The following POU2AF2 variants were observed in gnomAD, a reference collection of about 807,000 sequenced individuals.
The protein encoded by POU2AF2 is POU class 2 homeobox associating factor 2.
At chr11:111,284,023 C>T in the POU2AF2 span, 1 of 1,564,030 alleles carries the variant, frequency 6.4e-7, no homozygotes, top group Non-Finnish European at 8.7e-7. Context: ...CAACCGAGGC[C>T]TTGACCGCCC....
the POU2AF2 span, among the ~76,000 whole-genome samples, chr11:111,264,568 GAAAGA>G: frequency 2.9e-5 from 1 of 34,594 alleles, no homozygotes; most frequent in Non-Finnish European, 5.6e-5. Context: ...AAGAAAGAAA[GAAAGA>G]AAGGGAGAGA....
chr11:111,281,878 T>A, the POU2AF2 span, among the ~76,000 whole-genome samples: 1 of 152,208 alleles, frequency 6.6e-6, no homozygotes, highest in Admixed American at 6.5e-5. Context: ...GAATTCCTAA[T>A]AATACTGTTG....
chr11:111,279,941 T>C, the POU2AF2 span, among the ~76,000 whole-genome samples: 1 of 149,350 alleles, frequency 6.7e-6, no homozygotes, highest in Non-Finnish European at 1.5e-5. Context: ...CTCAGGAGAC[T>C]GAGGCAGGAG....
the POU2AF2 span, among the ~76,000 whole-genome samples, chr11:111,268,635 GTAA>G: frequency 6.6e-6 from 1 of 151,760 alleles, no homozygotes; most frequent in Admixed American, 6.6e-5. Flanking sequence ...CTGGGTTCAA[GTAA>G]TTCTCCTGTC....
the POU2AF2 span, among the ~76,000 whole-genome samples, chr11:111,258,714 T>TC: frequency 6.6e-6 from 1 of 152,226 alleles, no homozygotes; most frequent in Admixed American, 6.5e-5. Flanking sequence ...CCTGGACCTG[T>TC]CCCATGTCTA....
At chr11:111,265,303 A>T in the POU2AF2 span, among the ~76,000 whole-genome samples, 1 of 152,190 alleles carries the variant, frequency 6.6e-6, no homozygotes, top group South Asian at 2.1e-4. Flanking sequence ...CTGCTAAAAT[A>T]TTCTTACATT....
the POU2AF2 span, chr11:111,284,329 G>A: frequency 3.1e-6 from 5 of 1,611,314 alleles, no homozygotes; most frequent in East Asian, 2.2e-5. Flanking sequence ...CGCCCCTACC[G>A]CCGCTCCTGC....
chr11:111,274,037 T>A, the POU2AF2 span, among the ~76,000 whole-genome samples: 1 of 152,196 alleles, frequency 6.6e-6, no homozygotes, highest in East Asian at 1.9e-4. Flanking sequence ...AAGAGGCAAC[T>A]GTGTGAATAC....
chr11:111,272,233 T>C, the POU2AF2 span, among the ~76,000 whole-genome samples: 1 of 152,158 alleles, frequency 6.6e-6, no homozygotes, highest in Non-Finnish European at 1.5e-5. Flanking sequence ...TGTTTTGATG[T>C]GCTAAATCAC....
At chr11:111,274,609 A>G in the POU2AF2 span, among the ~76,000 whole-genome samples, 1 of 151,224 alleles carries the variant, frequency 6.6e-6, no homozygotes, top group African/African-American at 2.4e-5. Flanking sequence ...AGATAGACAG[A>G]CAGACAGACA....
the POU2AF2 span, among the ~76,000 whole-genome samples, chr11:111,256,767 T>C: frequency 6.6e-6 from 1 of 152,266 alleles, no homozygotes; most frequent in Non-Finnish European, 1.5e-5. Flanking sequence ...TGGTGTGTCC[T>C]GACTTTTTCA....
chr11:111,258,940 G>A, the POU2AF2 span, among the ~76,000 whole-genome samples: 1 of 152,186 alleles, frequency 6.6e-6, no homozygotes, highest in Admixed American at 6.5e-5. Flanking sequence ...CTTTTATGGA[G>A]AAAGTGGATA....
At chr11:111,279,010 A>G in the POU2AF2 span, among the ~76,000 whole-genome samples, 1 of 152,216 alleles carries the variant, frequency 6.6e-6, no homozygotes, top group African/African-American at 2.4e-5. Context: ...AGTCTATAGA[A>G]TCATTAAAGT....
chr11:111,249,034 A>C, the POU2AF2 span, among the ~76,000 whole-genome samples: 2 of 152,360 alleles, frequency 1.3e-5, no homozygotes, highest in African/African-American at 4.8e-5. Context: ...GGACACAAAC[A>C]CAGTCCTACA....
chr11:111,285,376 C>T, the POU2AF2 span, among the ~76,000 whole-genome samples: 1 of 152,222 alleles, frequency 6.6e-6, no homozygotes, highest in Non-Finnish European at 1.5e-5. Context: ...ATGTTGCATA[C>T]ATGTGCATTT....
chr11:111,277,744 G>A, the POU2AF2 span, among the ~76,000 whole-genome samples: 4 of 152,190 alleles, frequency 2.6e-5, no homozygotes, highest in African/African-American at 9.6e-5. Context: ...AGAACAATGG[G>A]ACATCTCCCT....
chr11:111,263,317 A>G, the POU2AF2 span, among the ~76,000 whole-genome samples: 1 of 152,082 alleles, frequency 6.6e-6, no homozygotes, highest in East Asian at 1.9e-4. Context: ...GATTTAAAAT[A>G]GACCTGAGTC....
chr11:111,284,532 C>T, the POU2AF2 span, among the ~76,000 whole-genome samples: 1 of 152,228 alleles, frequency 6.6e-6, no homozygotes, highest in Non-Finnish European at 1.5e-5. Flanking sequence ...GCCAGGACAC[C>T]CTCCGAGGGA....
At chr11:111,264,569 AAAGAAAGG>A in the POU2AF2 span, among the ~76,000 whole-genome samples, 3,871 of 39,922 alleles carry the variant, frequency 0.097, 621 homozygotes, top group African/African-American at 0.21. Context: ...AGAAAGAAAG[AAAGAAAGG>A]GAGAGAGAAA....
Sources: gnomAD v4.1 joint callset for allele counts (sites outside exome capture counted in the v4.1 genomes callset) on GRCh38, gnomAD v4.1.1 for gene constraint, MANE v1.5 for transcripts, NCBI Gene and HGNC (gene_info 2026-07-23, HGNC 2026-07-21) for gene names.